CNTNAP2: variants seen among roughly 807,000 people sequenced by gnomAD.
The protein encoded by CNTNAP2 is contactin associated protein 2.
Under a neutral mutation model 155.2 loss-of-function variants are expected in CNTNAP2, and 98 were observed. That is an observed-to-expected ratio of 0.63 (90% CI 0.54 to 0.75). The LOEUF (loss-of-function observed/expected upper bound fraction) is 0.75. Among genes scored for constraint, CNTNAP2 ranks in the 30% least tolerant of loss-of-function variants. The pLI is 0.00. For synonymous variants in CNTNAP2, 651 were observed against 631.2 expected, an observed-to-expected ratio of 1.03 and a Z score of -0.47; for missense variants, 1,727 against 1,688.1, an observed-to-expected ratio of 1.02 and a Z score of -0.40.
chr7:146,949,488 C>G (rs1197836804), intron 3 of CNTNAP2, among the ~76,000 whole-genome samples: 1 of 152,060 alleles, frequency 6.6e-6, no homozygotes, highest in Non-Finnish European at 1.5e-5. Context: ...GAAAACTGTC[C>G]CTCTTCTGCA....
At chr7:147,117,218 G>C (rs1424369559) in intron 5 of CNTNAP2, among the ~76,000 whole-genome samples, 2 of 152,088 alleles carry the variant, frequency 1.3e-5, no homozygotes, top group East Asian at 3.9e-4. Context: ...CCCTGTCTCT[G>C]TGCATGATTG....
chr7:146,755,572 C>A (rs961211673), intron 1 of CNTNAP2, among the ~76,000 whole-genome samples: 1 of 151,902 alleles, frequency 6.6e-6, no homozygotes, highest in African/African-American at 2.4e-5. Flanking sequence ...ATAACACTAC[C>A]CAATAAGTGG....
intron 1 of CNTNAP2, among the ~76,000 whole-genome samples, chr7:146,627,760 CA>C (rs1429035561): frequency 6.6e-6 from 1 of 152,032 alleles, no homozygotes; most frequent in Non-Finnish European, 1.5e-5. Context: ...TATTTAGGTA[CA>C]AAAGGTTTAA....
chr7:148,152,911 C>T (rs1376469038), intron 17 of CNTNAP2, among the ~76,000 whole-genome samples: 1 of 148,634 alleles, frequency 6.7e-6, no homozygotes, highest in Non-Finnish European at 1.5e-5. Context: ...GTCCCAGCTA[C>T]TCGGGAGGCT....
chr7:147,894,874 T>C (rs938850991), intron 13 of CNTNAP2, among the ~76,000 whole-genome samples: 1 of 151,764 alleles, frequency 6.6e-6, no homozygotes, highest in African/African-American at 2.4e-5. Flanking sequence ...GCATTCGCCC[T>C]TGTGCTTCTG....
At chr7:146,175,718 T>C (rs2116827651) in intron 1 of CNTNAP2, among the ~76,000 whole-genome samples, 1 of 152,370 alleles carries the variant, frequency 6.6e-6, no homozygotes, top group African/African-American at 2.4e-5. Context: ...TTAGTCTTTA[T>C]GTGCTTTTCG....
At chr7:146,870,160 G>T (rs1183275943) in intron 3 of CNTNAP2, among the ~76,000 whole-genome samples, 1 of 151,556 alleles carries the variant, frequency 6.6e-6, no homozygotes, top group Non-Finnish European at 1.5e-5. Flanking sequence ...AATGGTACCG[G>T]CTCTTCTTTG....
intron 1 of CNTNAP2, among the ~76,000 whole-genome samples, chr7:146,731,603 A>G (rs923612617): frequency 6.6e-6 from 1 of 152,128 alleles, no homozygotes; most frequent in Admixed American, 6.6e-5. Flanking sequence ...ACAACTCACA[A>G]TATCAGATTG....
intron 3 of CNTNAP2, among the ~76,000 whole-genome samples, chr7:146,854,318 T>C (rs1208253456): frequency 6.6e-6 from 1 of 152,244 alleles, no homozygotes; most frequent in Non-Finnish European, 1.5e-5. Flanking sequence ...TTTCTTGACT[T>C]AAGTGCTTCT....
At chr7:146,687,319 TCTGA>T (rs1285148277) in intron 1 of CNTNAP2, among the ~76,000 whole-genome samples, 3 of 152,180 alleles carry the variant, frequency 2.0e-5, no homozygotes, top group Non-Finnish European at 2.9e-5. Context: ...ATAATTTCTC[TCTGA>T]CTGAGTTTCC....
rs143685051 is a variant in CNTNAP2, at chr7:146,160,015, A to T, written c.97+43042A>T. ...GTAAAGCACTCCTCATTAGAATCAA[A>T]CTAGAACTCAGGATTAAGAAACTCA... On this transcript the variant is annotated intron_variant, in intron 1 of 23. Transcript: ENST00000361727. 1.6e-4 allele frequency among the ~76,000 whole-genome samples: 24 copies of T among 152,330 alleles called. No homozygotes were observed. The East Asian group carries it at 4.4e-3, about 28-fold the overall frequency.
intron 13 of CNTNAP2, among the ~76,000 whole-genome samples, chr7:147,651,387 A>G (rs1426521333): frequency 6.6e-6 from 1 of 152,262 alleles, no homozygotes; most frequent in African/African-American, 2.4e-5. Context: ...CAAAATGCCT[A>G]TGCAGCAACA....
At chr7:147,254,635 T>C (rs1253184609) in intron 8 of CNTNAP2, among the ~76,000 whole-genome samples, 2 of 152,196 alleles carry the variant, frequency 1.3e-5, no homozygotes, top group African/African-American at 4.8e-5. Flanking sequence ...TGGTTATATA[T>C]GGGAAATAAC....
At chr7:148,125,689 GTATATA>G (rs200514458) in intron 16 of CNTNAP2, among the ~76,000 whole-genome samples, 47 of 118,510 alleles carry the variant, frequency 4.0e-4, no homozygotes, top group African/African-American at 1.6e-3. Context: ...GTGTGTGTGT[GTATATA>G]TATATAGTTT....
intron 8 of CNTNAP2, among the ~76,000 whole-genome samples, chr7:147,213,968 T>C (rs547198863): frequency 9.9e-5 from 15 of 152,104 alleles, no homozygotes; most frequent in Non-Finnish European, 1.8e-4. Flanking sequence ...CGTCCTCAGA[T>C]GATTGAATGG....
chr7:148,286,187 A>G (rs1169343104), intron 21 of CNTNAP2, among the ~76,000 whole-genome samples: 6 of 152,194 alleles, frequency 3.9e-5, no homozygotes, highest in Admixed American at 3.9e-4. Flanking sequence ...AAATCTACAT[A>G]TAAGTAGACT....
intron 11 of CNTNAP2, among the ~76,000 whole-genome samples, chr7:147,516,291 C>T (rs1470795458): frequency 6.6e-6 from 1 of 152,100 alleles, no homozygotes; most frequent in Non-Finnish European, 1.5e-5. Context: ...TACTCAGGCT[C>T]AATGATTCAC....
At chr7:146,760,778 C>T (rs1483046197) in intron 1 of CNTNAP2, among the ~76,000 whole-genome samples, 2 of 151,808 alleles carry the variant, frequency 1.3e-5, no homozygotes, top group Non-Finnish European at 2.9e-5. Context: ...AACATTCGTC[C>T]AATAATGGCT....
Position 147,061,983 on chromosome 7 carries a change from C to CTA in CNTNAP2, c.550+17929_550+17930insTA, listed in dbSNP as rs1799686095. On this transcript the variant is annotated intron_variant, in intron 4 of 23. Coordinates refer to ENST00000361727, the MANE Select transcript of CNTNAP2 (RefSeq NM_014141.6). The stretch of plus-strand genomic sequence containing the variant: ...CTCTACTAAAAATACAAAAATTTAG[C>CTA]CAGGCGTGGTGGCGGGCGCCTGTAG... Among the ~76,000 whole-genome samples the CTA allele has an allele frequency of 2.6e-5, 4 of 151,352 alleles. No individual in the cohort carries two copies. In the South Asian group the frequency reaches 8.3e-4, roughly 32 times the overall value.
Sources: gnomAD v4.1 joint callset for allele counts (sites outside exome capture counted in the v4.1 genomes callset) on GRCh38, gnomAD v4.1.1 for gene constraint, MANE v1.5 for transcripts, NCBI Gene and HGNC (gene_info 2026-07-23, HGNC 2026-07-21) for gene names.